The following TFCP2 variants were observed in gnomAD, a reference collection of about 807,000 sequenced individuals.
The protein encoded by TFCP2 is transcription factor CP2, also known as alpha-globin transcription factor CP2.
A neutral mutation model predicts 73.4 loss-of-function variants in TFCP2; 33 were observed. That is an observed-to-expected ratio of 0.45 (90% CI 0.34 to 0.60). The LOEUF (loss-of-function observed/expected upper bound fraction) is 0.60, where lower values mean the gene tolerates loss of function less well. Among genes scored for constraint, TFCP2 ranks in the 20% least tolerant of loss-of-function variants. The probability of loss-of-function intolerance (pLI) is 0.01; values close to 1 mark genes in which losing one functional copy is unlikely to be tolerated. For synonymous variants in TFCP2, 193 were observed against 211.6 expected (o/e 0.91, Z 0.76); for missense variants, 352 against 604.0 (o/e 0.58, Z 4.37).
At chr12:51,153,220 T>A (rs1213456085) in intron 1 of TFCP2, among the ~76,000 whole-genome samples, 1 of 151,950 alleles carries the variant, frequency 6.6e-6, no homozygotes, top group African/African-American at 2.4e-5. Flanking sequence ...CTAAAATTTT[T>A]AAAAAATTAG....
chr12:51,125,175 G>A, intron 1 of TFCP2: 1 of 699,888 alleles, frequency 1.4e-6, no homozygotes, highest in Admixed American at 1.9e-5. Flanking sequence ...TTTGCTACCA[G>A]TGATGATTGG....
At chr12:51,151,172 C>G (rs143742952) in intron 1 of TFCP2, among the ~76,000 whole-genome samples, 1 of 152,138 alleles carries the variant, frequency 6.6e-6, no homozygotes, top group African/African-American at 2.4e-5. Context: ...GCCCTAAGAC[C>G]AGGTGCGGCT....
intron 14 of TFCP2, among the ~76,000 whole-genome samples, 174 bp downstream of exon 14, chr12:51,095,813 CAA>C (rs34105291): frequency 8.3e-5 from 7 of 84,176 alleles, no homozygotes; most frequent in African/African-American, 3.1e-4. Flanking sequence ...GACTCTGTTT[CAA>C]AAAAAAAAAA....
chr12:51,097,538 G>A (rs915491988), intron 13 of TFCP2, among the ~76,000 whole-genome samples: 13 of 152,102 alleles, frequency 8.5e-5, no homozygotes, highest in African/African-American at 2.2e-4. Flanking sequence ...GAGCCATTGC[G>A]CCTGGGCAGC....
intron 8 of TFCP2, among the ~76,000 whole-genome samples, chr12:51,104,912 C>T (rs1008712373): frequency 2.0e-5 from 3 of 151,810 alleles, no homozygotes; most frequent in African/African-American, 7.3e-5. Context: ...CAGGGTTTCA[C>T]TGTGTTAGCC....
At chr12:51,149,519 T>A (rs1409745872) in intron 1 of TFCP2, among the ~76,000 whole-genome samples, 1 of 152,192 alleles carries the variant, frequency 6.6e-6, no homozygotes, top group African/African-American at 2.4e-5. Flanking sequence ...AGAAAATTTA[T>A]GAACTTACAG....
chr12:51,153,686 T>C (rs1485041312), intron 1 of TFCP2, among the ~76,000 whole-genome samples: 6 of 152,216 alleles, frequency 3.9e-5, no homozygotes, highest in Non-Finnish European at 7.3e-5. Context: ...TCACACACCA[T>C]AATGTCCCAA....
intron 8 of TFCP2, among the ~76,000 whole-genome samples, chr12:51,105,194 A>T (rs999758385): frequency 2.0e-4 from 30 of 148,878 alleles, no homozygotes; most frequent in Non-Finnish European, 3.7e-4. Flanking sequence ...TCTGGTTTCA[A>T]GCGATTCTCC....
intron 8 of TFCP2, among the ~76,000 whole-genome samples, chr12:51,105,006 C>A (rs1171396273): frequency 6.6e-6 from 1 of 151,684 alleles, no homozygotes; most frequent in Non-Finnish European, 1.5e-5. Flanking sequence ...GCCACCGCGC[C>A]CGGCAAAAAA....
intron 1 of TFCP2, among the ~76,000 whole-genome samples, chr12:51,161,381 G>GA (rs113017278): frequency 0.079 from 11,501 of 144,844 alleles, 1,317 homozygotes; most frequent in African/African-American, 0.26. Context: ...CCATTCACAG[G>GA]AAAAAAAAAA....
intron 1 of TFCP2, among the ~76,000 whole-genome samples, chr12:51,132,231 CCA>C (rs1940958748): frequency 6.6e-6 from 1 of 152,080 alleles, no homozygotes; most frequent in Admixed American, 6.6e-5. Context: ...CTCAGATGAC[CCA>C]CAGTTCTCTG....
In TFCP2 at chr12:51,134,845, CA is replaced by C. The variant is rs199539266; in HGVS notation, c.123-16074del. 4.6e-3 allele frequency among the ~76,000 whole-genome samples: 696 copies of C among 152,366 alleles called. 2 individuals carry two copies. Among genetic ancestry groups the C allele is most frequent in the Middle Eastern group, 0.034 (10 of 294 alleles). ...CAAATACAGGTTGGGCACTGTGCCTCATGCCTATAATCCCAGCACTTGGGAG... is the reference window on the plus strand; with the variant it reads ...CAAATACAGGTTGGGCACTGTGCCTCTGCCTATAATCCCAGCACTTGGGAG... On this transcript the variant is annotated intron_variant, in intron 1 of 14. Transcript: ENST00000257915.
intron 1 of TFCP2, among the ~76,000 whole-genome samples, chr12:51,161,392 A>AG (rs746838450): frequency 1.3e-5 from 2 of 152,000 alleles, no homozygotes; most frequent in Non-Finnish European, 2.9e-5. Flanking sequence ...AAAAAAAAAA[A>AG]GAAATTGGCT....
At chr12:51,105,396 T>C (rs1193591872) in intron 8 of TFCP2, among the ~76,000 whole-genome samples, 1 of 152,212 alleles carries the variant, frequency 6.6e-6, no homozygotes, top group East Asian at 1.9e-4. Context: ...CCAGCCTGTT[T>C]TTCTTTATAC....
chr12:51,149,024 C>CAAAAAA (rs60318954), intron 1 of TFCP2, among the ~76,000 whole-genome samples: 26 of 38,002 alleles, frequency 6.8e-4, no homozygotes, highest in Admixed American at 1.6e-3. Flanking sequence ...GACTCCATCT[C>CAAAAAA]AAAAAAAAAA....
intron 1 of TFCP2, among the ~76,000 whole-genome samples, chr12:51,161,760 C>CAAAAAAAAAAAAAAAAAAAAAAAAAAT (rs60679909): frequency 1.3e-5 from 1 of 76,226 alleles, no homozygotes; most frequent in African/African-American, 5.1e-5. Flanking sequence ...GACTCCATAT[C>CAAAAAAAAAAAAAAAAAAAAAAAAAAT]AAAAAAAAAA....
chr12:51,173,073 C>T lies in TFCP2; in HGVS notation c.-651G>A, dbSNP rs1177270431. ...AAAACCTAGACTCGCCAGGCCCTTC[C>T]ACCGTCCGCCGCCCCAGCGCCAACC... On this transcript the variant is annotated 5_prime_UTR_variant, in exon 1 of 15. An upstream open reading frame in the 5' UTR gains an earlier in-frame stop. Transcript: ENST00000257915. The T allele has an allele frequency of 6.6e-6, 1 of 152,636 alleles. No individual in the cohort carries two copies. The highest frequency in any genetic ancestry group is 6.5e-5 in the Admixed American group (1 of 15,288). 9.5% of individuals were successfully genotyped at this position (152,636 alleles called of 1,614,324 possible). A position where few individuals can be genotyped will look rare whatever the true frequency, so the allele number is the denominator to read the frequency against.
At chr12:51,097,240 G>A (rs1939985503) in intron 13 of TFCP2, among the ~76,000 whole-genome samples, 2 of 151,842 alleles carry the variant, frequency 1.3e-5, no homozygotes, top group South Asian at 4.2e-4. Flanking sequence ...GTGAGCCACT[G>A]TGCCTGGCCT....
intron 1 of TFCP2, among the ~76,000 whole-genome samples, chr12:51,120,607 A>C (rs1404372975): frequency 6.6e-6 from 1 of 152,144 alleles, no homozygotes; most frequent in East Asian, 1.9e-4. Context: ...ATTATTGATT[A>C]GAGGATGGGG....
Sources: gnomAD v4.1 joint callset for allele counts (sites outside exome capture counted in the v4.1 genomes callset) on GRCh38, gnomAD v4.1.1 for gene constraint, MANE v1.5 for transcripts, NCBI Gene and HGNC (gene_info 2026-07-23, HGNC 2026-07-21) for gene names.